The following UQCR11 variants were observed in gnomAD, a reference collection of about 807,000 sequenced individuals.
UQCR11 encodes ubiquinol-cytochrome c reductase, complex III subunit XI.
Under a neutral mutation model 7.6 loss-of-function variants are expected in UQCR11, and 10 were observed. The observed-to-expected ratio is 1.31, with a 90% CI of 0.81 to 2.22. The LOEUF (loss-of-function observed/expected upper bound fraction) is 2.22. UQCR11 is among the 30% of genes most tolerant of loss of function. The probability of loss-of-function intolerance (pLI) is 0.00; values close to 1 mark genes in which losing one functional copy is unlikely to be tolerated. For missense variants in UQCR11, 86 were observed against 75.1 expected (o/e 1.15, Z -0.54); for synonymous variants, 34 against 34.9 (o/e 0.97, Z 0.09).
chr19:1,604,917 T>G (rs2060757687), intron 1 of UQCR11, among the ~76,000 whole-genome samples: 1 of 152,262 alleles, frequency 6.6e-6, no homozygotes, highest in African/African-American at 2.4e-5. Flanking sequence ...GCCACCCCTA[T>G]GCCGTCCCGC....
intron 1 of UQCR11, 104 bp downstream of exon 1, chr19:1,605,256 C>A: frequency 3.0e-6 from 4 of 1,331,012 alleles, no homozygotes; most frequent in Non-Finnish European, 4.0e-6. Context: ...GGACCTGGGC[C>A]CGGCCCGGCC....
intron 1 of UQCR11, 98 bp downstream of exon 1, chr19:1,605,262 C>A: frequency 1.5e-6 from 2 of 1,370,930 alleles, no homozygotes; most frequent in Admixed American, 3.2e-5. Flanking sequence ...GGGCCCGGCC[C>A]GGCCCGGCCC....
chr19:1,600,276 T>A (rs1364641366), intron 1 of UQCR11, among the ~76,000 whole-genome samples: 2 of 147,278 alleles, frequency 1.4e-5, no homozygotes, highest in African/African-American at 5.0e-5. Flanking sequence ...TGCAGTGGCG[T>A]GATCTCGGCT....
Position 1,601,302 on chromosome 19 carries a change from C to A in UQCR11, c.51-1742G>T, listed in dbSNP as rs78778988. On this transcript the variant is annotated intron_variant, in intron 1 of 2. Coordinates refer to ENST00000591899, the MANE Select transcript of UQCR11 (RefSeq NM_006830.4). ...GTGGCAGAGAACTGACGGCAGCCTC[C>A]AGCTAAGAAGGAAATGAGGGCCGGG... is the stretch of plus-strand genomic sequence containing the variant. Among the ~76,000 whole-genome samples the A allele has an allele frequency of 3.3e-3, 490 of 147,416 alleles. 3 individuals carry two copies. The highest frequency in any genetic ancestry group is 0.012 in the African/African-American group (462 of 39,894).
intron 1 of UQCR11, among the ~76,000 whole-genome samples, chr19:1,604,652 C>T (rs1446202609): frequency 6.6e-6 from 1 of 152,178 alleles, no homozygotes; most frequent in Non-Finnish European, 1.5e-5. Context: ...CTCAGCCTCC[C>T]GAGTAGCTGG....
Position 1,605,417 on chromosome 19 carries a change from G to T in UQCR11, c.-8C>A. 1 of 1,567,658 alleles carries T rather than the reference G, an allele frequency of 6.4e-7. No homozygotes were observed. ...CAGGAACCGGGTCACCATCGCGGCGGAGTCGCACCCTCAGGATGACCCTGT... is the reference window on the plus strand; with the variant it reads ...CAGGAACCGGGTCACCATCGCGGCGTAGTCGCACCCTCAGGATGACCCTGT... On this transcript the variant is annotated 5_prime_UTR_variant, in exon 1 of 3. Coordinates refer to ENST00000591899, the MANE Select transcript of UQCR11 (RefSeq NM_006830.4).
intron 1 of UQCR11, among the ~76,000 whole-genome samples, chr19:1,605,101 T>C (rs757188556): frequency 6.6e-6 from 1 of 152,206 alleles, no homozygotes; most frequent in Non-Finnish European, 1.5e-5. Flanking sequence ...CCGGTAGAGA[T>C]GGGGAAACTG....
chr19:1,600,133 C>T (rs1179249477), intron 1 of UQCR11, among the ~76,000 whole-genome samples: 1 of 152,036 alleles, frequency 6.6e-6, no homozygotes, highest in Non-Finnish European at 1.5e-5. Context: ...GAAGGCCCAG[C>T]AGATTCTAGG....
chr19:1,604,314 A>C (rs2060755595), intron 1 of UQCR11, among the ~76,000 whole-genome samples: 1 of 152,008 alleles, frequency 6.6e-6, no homozygotes, highest in Admixed American at 6.6e-5. Flanking sequence ...CCCAGGCTCA[A>C]ACGATCCTCC....
intron 2 of UQCR11, chr19:1,599,037 G>C (rs941729665): frequency 1.4e-5 from 3 of 220,758 alleles, no homozygotes; most frequent in Non-Finnish European, 2.8e-5. Flanking sequence ...GCGCTTCCAA[G>C]AGCTCATGGG....
chr19:1,598,544 CAA>C (rs869275138), intron 2 of UQCR11, among the ~76,000 whole-genome samples: 28 of 118,852 alleles, frequency 2.4e-4, no homozygotes, highest in East Asian at 4.8e-4. Flanking sequence ...AACTCTGTCT[CAA>C]AAAAAAAAAA....
intron 1 of UQCR11, among the ~76,000 whole-genome samples, chr19:1,604,380 A>AT (rs954458745): frequency 6.6e-6 from 1 of 151,750 alleles, no homozygotes; most frequent in Non-Finnish European, 1.5e-5. Context: ...TGCCCTGATA[A>AT]TTTTTTGTTT....
At chr19:1,598,364 G>A (rs1345491097) in intron 2 of UQCR11, 149 bp from the exon 3 acceptor site, 3 of 152,376 alleles carry the variant, frequency 2.0e-5, no homozygotes, top group Admixed American at 6.5e-5. Context: ...GATTAACATG[G>A]AGAAACCCCA....
chr19:1,601,969 C>T (rs1194413070), intron 1 of UQCR11: 1 of 152,172 alleles, frequency 6.6e-6, no homozygotes, highest in African/African-American at 2.4e-5. Context: ...CTAGACCAGC[C>T]TGGCCAACAT....
chr19:1,602,810 G>A (rs1412757036), intron 1 of UQCR11, among the ~76,000 whole-genome samples: 6 of 152,248 alleles, frequency 3.9e-5, no homozygotes, highest in East Asian at 1.9e-4. Flanking sequence ...GCCGGCCTCC[G>A]CCTCCCCTAT....
intron 1 of UQCR11, among the ~76,000 whole-genome samples, chr19:1,603,818 G>A (rs1339625326): frequency 1.3e-5 from 2 of 152,170 alleles, no homozygotes; most frequent in Non-Finnish European, 2.9e-5. Context: ...AACGCCACCG[G>A]CACCATCACA....
intron 1 of UQCR11, 86 bp from the exon 2 acceptor site, chr19:1,599,646 C>A: frequency 6.5e-7 from 1 of 1,547,362 alleles, no homozygotes; most frequent in Admixed American, 1.9e-5. Context: ...CCGTCCTGAG[C>A]GGTGATGGCT....
intron 1 of UQCR11, among the ~76,000 whole-genome samples, chr19:1,605,157 G>A (rs2060758260): frequency 6.6e-6 from 1 of 152,180 alleles, no homozygotes; most frequent in African/African-American, 2.4e-5. Context: ...CTGGGGTTTG[G>A]CCTTGGGTCC....
intron 1 of UQCR11, among the ~76,000 whole-genome samples, chr19:1,604,204 C>CAA (rs967296179): frequency 6.6e-6 from 1 of 152,200 alleles, no homozygotes; most frequent in African/African-American, 2.4e-5. Flanking sequence ...CTTGGCCTCC[C>CAA]AAAGTGTTGG....
Sources: gnomAD v4.1 joint callset for allele counts (sites outside exome capture counted in the v4.1 genomes callset) on GRCh38, gnomAD v4.1.1 for gene constraint, MANE v1.5 for transcripts, NCBI Gene and HGNC (gene_info 2026-07-23, HGNC 2026-07-21) for gene names.